C11orf91: variants seen among roughly 807,000 people sequenced by gnomAD.
C11orf91 encodes uncharacterized protein C11orf91.
In C11orf91, 10 loss-of-function variants were observed where a neutral mutation model predicts 14.3. The observed-to-expected ratio is 0.70, with a 90% CI of 0.43 to 1.18. The LOEUF is 1.18. Ranked by LOEUF, C11orf91 falls within the 50% of genes most tolerant of loss-of-function variation. C11orf91 has a pLI of 0.00. For missense variants in C11orf91, 236 were observed against 269.0 expected (o/e 0.88, Z 0.86); for synonymous variants, 141 against 130.6 (o/e 1.08, Z -0.54).
Position 33,699,590 on chromosome 11 carries a change from G to A in C11orf91, c.496+655C>T, listed in dbSNP as rs1444774409. On this transcript the variant is annotated intron_variant, in intron 1 of 1. Transcript: ENST00000379011. ...GCTCGTAGGCTGAGGGATCCTGCCCGCATCAGCACACGTGGTCCAGAGCCC... is the reference window on the plus strand; with the variant it reads ...GCTCGTAGGCTGAGGGATCCTGCCCACATCAGCACACGTGGTCCAGAGCCC... The A allele has an allele frequency of 3.3e-5, 15 of 456,302 alleles. No homozygotes were observed. The Admixed American group carries it at 3.5e-4, about 11-fold the overall frequency. The allele number at this position is 456,302 out of a possible 1,614,324, so 28.3% of individuals were successfully genotyped here.
Position 33,700,232 on chromosome 11 carries a change from C to A in C11orf91, c.496+13G>T, listed in dbSNP as rs767623754. ...CTAAGGCTGGGCTCGGTGGCCCTGGCGAGGTCACGCACAGCTCTGGGAGTC... is the reference window on the plus strand; with the variant it reads ...CTAAGGCTGGGCTCGGTGGCCCTGGAGAGGTCACGCACAGCTCTGGGAGTC... On this transcript the variant is annotated intron_variant, in intron 1 of 1. Transcript: ENST00000379011. The A allele has an allele frequency of 2.0e-6, 3 of 1,527,704 alleles. No homozygotes were observed. In the Admixed American group the frequency reaches 5.9e-5, roughly 30 times the overall value. 94.6% of individuals were successfully genotyped at this position (1,527,704 alleles called of 1,614,324 possible).
intron 1 of C11orf91, among the ~76,000 whole-genome samples, chr11:33,699,117 A>G (rs147204441): frequency 1.3e-5 from 2 of 152,110 alleles, no homozygotes; most frequent in African/African-American, 4.8e-5. Flanking sequence ...TTTCTTAACT[A>G]TGTATTCGGT....
upstream of C11orf91, chr11:33,702,633 G>T: frequency 4.7e-6 from 1 of 214,434 alleles, no homozygotes; most frequent in Non-Finnish European, 1.0e-5. Context: ...CACTTCTTTG[G>T]GTTTTCACTT....
rs920182684 is a variant in C11orf91, at chr11:33,700,642, C to A, written c.99G>T (p.Ser33=). ...AGATGTTGAAGTCGCTGAGCGGGGA[C>A]GAGGAGATGCCGCGGTCGTACAGGG... The part of the protein sequence containing the change: ...FPSLYDRGIS[S]SPLSDFNIWK... The change falls in exon 1 of 2, where the codon TCG becomes TCT. Residue 33 remains serine (S), a synonymous_variant. Transcript: ENST00000379011. 41 of 1,472,422 alleles carry A rather than the reference C, an allele frequency of 2.8e-5. No homozygotes were observed. The highest frequency in any genetic ancestry group is 2.3e-5 in the Non-Finnish European group (26 of 1,116,162). The allele number at this position is 1,472,422 out of a possible 1,614,324, so 91.2% of individuals were successfully genotyped here. A position where few individuals can be genotyped will look rare whatever the true frequency, so the allele number is the denominator to read the frequency against.
At chr11:33,702,789 TA>T, upstream of C11orf91, 1 of 324,702 alleles carries the variant, frequency 3.1e-6, no homozygotes. Flanking sequence ...ACAGTAATGG[TA>T]AGAACCAGGG....
upstream of C11orf91, among the ~76,000 whole-genome samples, chr11:33,701,328 G>T (rs1054599827): frequency 1.3e-5 from 2 of 152,000 alleles, no homozygotes; most frequent in Non-Finnish European, 2.9e-5. Context: ...GCCAACCTAT[G>T]TATCTGCCAA....
the C11orf91 span, chr11:33,706,446 A>G: frequency 9.2e-5 from 14 of 152,216 alleles, no homozygotes; most frequent in African/African-American, 3.4e-4. Context: ...TTGTAAATCC[A>G]TAACTAGCAT....
At chr11:33,702,380 C>T (rs983608078), upstream of C11orf91, among the ~76,000 whole-genome samples, 6 of 152,084 alleles carry the variant, frequency 3.9e-5, no homozygotes, top group African/African-American at 1.2e-4. Flanking sequence ...ACCAAGGAGG[C>T]TGAGGTTGAG....
upstream of C11orf91, chr11:33,703,302 G>C (rs1029635562): frequency 6.6e-6 from 1 of 152,298 alleles, no homozygotes; most frequent in African/African-American, 2.4e-5. Flanking sequence ...GTCCCTATGA[G>C]GTAATAATAA....
At position 33,698,491 on chromosome 11, in the gene C11orf91, C is replaced by G; in HGVS notation, c.520G>C (p.Asp174His). The G allele has an allele frequency of 6.5e-7, 1 of 1,537,530 alleles. No homozygotes were observed. The highest frequency in any genetic ancestry group is 8.7e-7 in the Non-Finnish European group (1 of 1,146,882). Residue 174 changes from aspartate (D) to histidine (H), a missense_variant, in exon 2 of 2, where the codon GAC becomes CAC. Coordinates refer to ENST00000379011, the MANE Select transcript of C11orf91 (RefSeq NM_001166692.2). ...QSYTFLKALK[D>H]EKLQGLKTKQ... ...GTCTTCAGTCCTTGTAACTTTTCGT[C>G]TTTTAGCGCCTTCAGGAATGTGTCT...
upstream of C11orf91, among the ~76,000 whole-genome samples, chr11:33,701,323 C>CCT (rs143413828): frequency 0.044 from 6,724 of 152,244 alleles, 308 homozygotes; most frequent in African/African-American, 0.12. Flanking sequence ...TTAGAGCCAA[C>CCT]CTATGTATCT....
Position 33,700,793 on chromosome 11 carries a change from C to G in C11orf91, c.-53G>C. The G allele has an allele frequency of 6.3e-6, 8 of 1,262,578 alleles. No individual in the cohort carries two copies. The highest frequency in any genetic ancestry group is 8.0e-6 in the Non-Finnish European group (8 of 1,005,666). 78.2% of individuals were successfully genotyped at this position (1,262,578 alleles called of 1,614,324 possible). A position where few individuals can be genotyped will look rare whatever the true frequency, so the allele number is the denominator to read the frequency against. On this transcript the variant is annotated 5_prime_UTR_variant, in exon 1 of 2. Coordinates refer to ENST00000379011, the MANE Select transcript of C11orf91 (RefSeq NM_001166692.2). ...AACCCCGCGCCGGGAGACGCGCGCT[C>G]AGGCCCCGAGTCGCCGGGGTTTCGA...
upstream of C11orf91, chr11:33,704,257 T>C (rs1590503127): frequency 6.6e-6 from 1 of 152,352 alleles, no homozygotes; most frequent in East Asian, 1.9e-4. Context: ...GAACCCCAAT[T>C]GTCTCTGATC....
rs770576693 is a variant in C11orf91, at chr11:33,700,477, G to A, written c.264C>T (p.Arg88=). The A allele has an allele frequency of 2.1e-6, 3 of 1,421,066 alleles. No homozygotes were observed. Among genetic ancestry groups the A allele is most frequent in the Non-Finnish European group, 2.7e-6 (3 of 1,097,714 alleles). The allele number at this position is 1,421,066 out of a possible 1,614,324, so 88.0% of individuals were successfully genotyped here. Residue 88 remains arginine, a synonymous_variant, in exon 1 of 2, where the codon CGC becomes CGT. Transcript: ENST00000379011. ...PPPGLGPSSE[R]PWPSPWPSGL... ...CGGAGGGCCAGGGCGAGGGCCAGGG[G>A]CGCTCGCTGGAGGGACCCAGGCCGG...
Position 33,700,815 on chromosome 11 carries a change from T to TCGAGGTTC in C11orf91, c.-83_-76dup. 8.1e-7 allele frequency: 1 copy of TCGAGGTTC among 1,237,118 alleles called. No individual in the cohort carries two copies. The allele number at this position is 1,237,118 out of a possible 1,614,324, so 76.6% of individuals were successfully genotyped here. ...GCTCAGGCCCCGAGTCGCCGGGGTT[T>TCGAGGTTC]CGAGGTTCCACAAGCCCCGCCCCGA... On this transcript the variant is annotated 5_prime_UTR_variant, in exon 1 of 2. Transcript: ENST00000379011.
chr11:33,698,580 A>C, intron 1 of C11orf91, 66 bp from the exon 2 acceptor site: 2 of 1,156,302 alleles, frequency 1.7e-6, no homozygotes, highest in Non-Finnish European at 1.2e-6. Flanking sequence ...CTTCCAAAGC[A>C]AACTCTTGGG....
intron 1 of C11orf91, chr11:33,699,573 G>T (rs1033435065): frequency 2.2e-6 from 1 of 456,300 alleles, no homozygotes; most frequent in Non-Finnish European, 4.4e-6. Flanking sequence ...CAGCTCGTAG[G>T]CTGAGGGATC....
chr11:33,698,893 G>C (rs1853073428), intron 1 of C11orf91, among the ~76,000 whole-genome samples: 1 of 147,230 alleles, frequency 6.8e-6, no homozygotes, highest in Non-Finnish European at 1.5e-5. Context: ...CGATTCTCCT[G>C]CCTCATCCTC....
intron 1 of C11orf91, chr11:33,699,662 G>C (rs770791958): frequency 2.2e-6 from 1 of 456,210 alleles, no homozygotes; most frequent in Admixed American, 2.3e-5. Flanking sequence ...ATCCTGGTGA[G>C]AGAACTACCG....
Sources: allele counts gnomAD v4.1 joint callset (sites outside exome capture counted in the v4.1 genomes callset), GRCh38; gene constraint gnomAD v4.1.1; transcripts MANE v1.5; gene names NCBI Gene and HGNC (gene_info 2026-07-23, HGNC 2026-07-21).